GPC6: variants seen among roughly 807,000 people sequenced by gnomAD.
GPC6 encodes the protein glypican-6.
In GPC6, 14 loss-of-function variants were observed where a neutral mutation model predicts 55.2. The observed-to-expected ratio is 0.25, with a 90% CI of 0.17 to 0.40. GPC6 has a LOEUF of 0.40. Among genes scored for constraint, GPC6 ranks in the 10% least tolerant of loss-of-function variants. The probability of loss-of-function intolerance (pLI) is 1.00; values close to 1 mark genes in which losing one functional copy is unlikely to be tolerated. For missense variants in GPC6, 641 were observed against 708.5 expected (o/e 0.90, Z 1.08); for synonymous variants, 278 against 259.6 (o/e 1.07, Z -0.68).
At chr13:93,736,693 G>A (rs1200405170) in intron 2 of GPC6, among the ~76,000 whole-genome samples, 1 of 152,148 alleles carries the variant, frequency 6.6e-6, no homozygotes, top group Non-Finnish European at 1.5e-5. Flanking sequence ...TAAATTTGAT[G>A]TATTTACCAG....
chr13:93,284,741 A>C (rs1439270011), intron 1 of GPC6, among the ~76,000 whole-genome samples: 1 of 152,178 alleles, frequency 6.6e-6, no homozygotes, highest in Non-Finnish European at 1.5e-5. Context: ...CTGTGTGCCA[A>C]GTGCTGGAGA....
At chr13:93,829,297 G>A (rs900409883) in intron 2 of GPC6, among the ~76,000 whole-genome samples, 8 of 152,178 alleles carry the variant, frequency 5.3e-5, no homozygotes, top group Non-Finnish European at 1.0e-4. Flanking sequence ...TGTGTCTTGA[G>A]GGAGACTAGC....
chr13:93,906,427 T>C (rs1341621558), intron 3 of GPC6, among the ~76,000 whole-genome samples: 2 of 152,198 alleles, frequency 1.3e-5, no homozygotes, highest in African/African-American at 2.4e-5. Context: ...TAAATGCTCA[T>C]GACAGTGTCT....
At chr13:94,216,189 C>G (rs1235673124) in intron 4 of GPC6, among the ~76,000 whole-genome samples, 1 of 152,140 alleles carries the variant, frequency 6.6e-6, no homozygotes, top group East Asian at 1.9e-4. Context: ...TTGTTTTGTT[C>G]TCCCCTTCAA....
chr13:94,165,273 C>CATATATATAT (rs1443482781), intron 4 of GPC6, among the ~76,000 whole-genome samples: 3 of 141,672 alleles, frequency 2.1e-5, no homozygotes, highest in Non-Finnish European at 4.5e-5. Flanking sequence ...TATATATATA[C>CATATATATAT]ACATATATAT....
At chr13:93,784,180 G>T (rs953788929) in intron 2 of GPC6, among the ~76,000 whole-genome samples, 29 of 152,146 alleles carry the variant, frequency 1.9e-4, no homozygotes, top group African/African-American at 7.0e-4. Context: ...GATTGAACTT[G>T]ATTGACAGAT....
chr13:94,020,173 T>A (rs939914538), intron 3 of GPC6, among the ~76,000 whole-genome samples: 2 of 152,204 alleles, frequency 1.3e-5, no homozygotes, highest in African/African-American at 4.8e-5. Context: ...AGTTTTGGCA[T>A]GTTGTGTTTT....
intron 1 of GPC6, among the ~76,000 whole-genome samples, chr13:93,465,929 CA>C (rs1878887437): frequency 6.6e-6 from 1 of 152,126 alleles, no homozygotes; most frequent in Admixed American, 6.6e-5. Flanking sequence ...CTAATAATAT[CA>C]CTGTGTTTCA....
At chr13:93,835,776 T>G (rs1042853057) in intron 3 of GPC6, among the ~76,000 whole-genome samples, 1 of 151,948 alleles carries the variant, frequency 6.6e-6, no homozygotes, top group South Asian at 2.1e-4. Flanking sequence ...ATAAATAAAT[T>G]TAAAAATTTT....
rs1040576466 is a variant in GPC6 at position 93,515,215 on chromosome 13, G to C, written c.161-30048G>C. 5.3e-5 allele frequency among the ~76,000 whole-genome samples: 8 copies of C among 152,258 alleles called. No individual in the cohort carries two copies. In the South Asian group the frequency reaches 8.3e-4, roughly 16 times the overall value. ...TAAATCAGGCGAAGGGTCCTCACTA[G>C]ATGCCAAATCTGCTGGCACCTGGGT... On this transcript the variant is annotated intron_variant, in intron 1 of 8. Transcript: ENST00000377047.
intron 3 of GPC6, among the ~76,000 whole-genome samples, chr13:93,924,930 C>T (rs567669907): frequency 1.3e-5 from 2 of 152,090 alleles, no homozygotes; most frequent in South Asian, 2.1e-4. Context: ...AGCTCATTAA[C>T]GTATTATTAC....
At chr13:93,882,387 C>A (rs1180353270) in intron 3 of GPC6, among the ~76,000 whole-genome samples, 1 of 151,912 alleles carries the variant, frequency 6.6e-6, no homozygotes, top group Non-Finnish European at 1.5e-5. Context: ...GCTCAAACGA[C>A]CCACCCCTCA....
chr13:93,776,266 A>T (rs180952270), intron 2 of GPC6, among the ~76,000 whole-genome samples: 1 of 152,180 alleles, frequency 6.6e-6, no homozygotes, highest in African/African-American at 2.4e-5. Flanking sequence ...GATAGCTTAC[A>T]TGTATTCAAC....
At chr13:94,189,848 C>T (rs1437508682) in intron 4 of GPC6, among the ~76,000 whole-genome samples, 6 of 151,802 alleles carry the variant, frequency 4.0e-5, no homozygotes, top group African/African-American at 1.5e-4. Context: ...GGTGAAACGC[C>T]GTCTCTACTA....
intron 2 of GPC6, among the ~76,000 whole-genome samples, chr13:93,782,781 A>G (rs1885696445): frequency 6.6e-6 from 1 of 152,088 alleles, no homozygotes; most frequent in Non-Finnish European, 1.5e-5. Flanking sequence ...CAAATTATAT[A>G]TATACATATA....
chr13:94,053,179 T>G (rs142001319), intron 4 of GPC6, among the ~76,000 whole-genome samples: 1 of 152,272 alleles, frequency 6.6e-6, no homozygotes, highest in Non-Finnish European at 1.5e-5. Context: ...TTTTTGCCAC[T>G]CAATATAGTT....
At chr13:93,940,394 TTGGATGAATGGATGGATGAA>T (rs1878672738) in intron 3 of GPC6, among the ~76,000 whole-genome samples, 1 of 149,300 alleles carries the variant, frequency 6.7e-6, no homozygotes, top group African/African-American at 2.5e-5. Flanking sequence ...GGATGGACGG[TTGGATGAATGGATGGATGAA>T]TGGATGGATG....
chr13:93,661,399 A>G (rs1880914718), intron 2 of GPC6, among the ~76,000 whole-genome samples: 1 of 152,114 alleles, frequency 6.6e-6, no homozygotes, highest in Admixed American at 6.6e-5. Context: ...TTTTTAGTAC[A>G]GACAGGTATT....
intron 1 of GPC6, among the ~76,000 whole-genome samples, chr13:93,321,638 A>T (rs932763158): frequency 5.3e-5 from 8 of 152,232 alleles, no homozygotes. Context: ...TAAACCCATC[A>T]AGTTCAAATA....
Sources: allele counts gnomAD v4.1 joint callset (sites outside exome capture counted in the v4.1 genomes callset), GRCh38; gene constraint gnomAD v4.1.1; transcripts MANE v1.5; gene names NCBI Gene and HGNC (gene_info 2026-07-23, HGNC 2026-07-21).